The following ADAM19 variants were observed in gnomAD, a reference collection of about 807,000 sequenced individuals.
The protein encoded by ADAM19 is disintegrin and metalloproteinase domain-containing protein 19.
Under a neutral mutation model 114.7 loss-of-function variants are expected in ADAM19, and 65 were observed. The ratio of observed to expected loss-of-function variants is 0.57; its 90% confidence interval spans 0.46 to 0.70. ADAM19 has a LOEUF of 0.70. ADAM19 is among the 30% of genes least tolerant of loss of function. The probability of loss-of-function intolerance (pLI) is 0.00; values close to 1 mark genes in which losing one functional copy is unlikely to be tolerated. For synonymous variants in ADAM19, 466 were observed against 460.5 expected (o/e 1.01, Z -0.15); for missense variants, 1,063 against 1,204.7 (o/e 0.88, Z 1.74).
chr5:157,488,816 G>C (rs992375784), intron 20 of ADAM19, among the ~76,000 whole-genome samples: 1 of 152,170 alleles, frequency 6.6e-6, no homozygotes, highest in South Asian at 2.1e-4. Flanking sequence ...TGGATCACGA[G>C]GTCAGGAGAT....
intron 15 of ADAM19, among the ~76,000 whole-genome samples, chr5:157,494,176 ATG>A: frequency 6.6e-6 from 1 of 151,870 alleles, no homozygotes; most frequent in East Asian, 1.9e-4. Context: ...AGATGGATGG[ATG>A]GATGGATGGA....
chr5:157,533,077 C>T (rs994130253), intron 4 of ADAM19, among the ~76,000 whole-genome samples: 1 of 152,334 alleles, frequency 6.6e-6, no homozygotes, highest in East Asian at 1.9e-4. Context: ...ATCCAAAGCC[C>T]TAGCTGTGCC....
At position 157,561,775 on chromosome 5, in the gene ADAM19, A is replaced by C. The variant is rs116033228; in HGVS notation, c.251+2598T>G. ...CTCCCTATGCTCCTCTGTCTCCTGC[A>C]CAGCACCCATCACCTGACGGACGGT... On this transcript the variant is annotated intron_variant, in intron 3 of 22. Transcript: ENST00000257527. Among the ~76,000 whole-genome samples the C allele has an allele frequency of 2.5e-3, 374 of 152,230 alleles. 3 individuals carry two copies. Among genetic ancestry groups the C allele is most frequent in the African/African-American group, 8.6e-3 (358 of 41,536 alleles).
Position 157,553,864 on chromosome 5 carries a change from C to T in ADAM19, c.251+10509G>A, listed in dbSNP as rs149355654. On this transcript the variant is annotated intron_variant, in intron 3 of 22. Coordinates refer to ENST00000257527, the MANE Select transcript of ADAM19 (RefSeq NM_033274.5). Reference sequence around the variant, plus strand: ...ACACTGAAGACAAAAAATAAAAAAGCCAATTATAAAATAGTATATAAAGTA... The same window carrying T: ...ACACTGAAGACAAAAAATAAAAAAGTCAATTATAAAATAGTATATAAAGTA... Among the ~76,000 whole-genome samples, 21 of 152,080 alleles carry T rather than the reference C, an allele frequency of 1.4e-4. No individual in the cohort carries two copies. The East Asian group carries it at 4.0e-3, about 29-fold the overall frequency.
At chr5:157,483,255 C>T (rs1356194869) in intron 21 of ADAM19, among the ~76,000 whole-genome samples, 1 of 152,152 alleles carries the variant, frequency 6.6e-6, no homozygotes, top group Non-Finnish European at 1.5e-5. Flanking sequence ...AATTCTACTT[C>T]TTCTGACCTA....
rs1755176728 is a variant in ADAM19, at chr5:157,491,868, A to G, written c.1953T>C (p.Thr651=). 1 of 1,614,140 alleles carries G rather than the reference A, an allele frequency of 6.2e-7. No individual in the cohort carries two copies. The highest frequency in any genetic ancestry group is 1.3e-5 in the African/African-American group (1 of 74,948). ...GQCRNTSFFE[T]EGCGKKCNGH... ...CATTGCACTTCTTCCCACAGCCTTC[A>G]GTTTCAAAGAAGGAGGTGTTCCTGC... The change falls in exon 17 of 23, where the codon ACT becomes ACC. Residue 651 remains threonine, a synonymous_variant. Transcript: ENST00000257527.
At chr5:157,557,985 G>T (rs1001351579) in intron 3 of ADAM19, among the ~76,000 whole-genome samples, 1 of 152,186 alleles carries the variant, frequency 6.6e-6, no homozygotes, top group Non-Finnish European at 1.5e-5. Flanking sequence ...ACATCAGACT[G>T]GCTGGCAATC....
Position 157,477,718 on chromosome 5 carries a change from G to C in ADAM19, c.*3231C>G. 12 of 1,289,710 alleles carry C rather than the reference G, an allele frequency of 9.3e-6. No homozygotes were observed. Among genetic ancestry groups the C allele is most frequent in the Non-Finnish European group, 1.2e-5 (12 of 988,804 alleles). 79.9% of individuals were successfully genotyped at this position (1,289,710 alleles called of 1,614,324 possible). On this transcript the variant is annotated 3_prime_UTR_variant, in exon 23 of 23. Coordinates refer to ENST00000257527, the MANE Select transcript of ADAM19 (RefSeq NM_033274.5). ...GGAACTGGTCCCCAGTTTTCAAATT[G>C]CAAGTCTTCCATACCCTCTGTCAAA...
At position 157,515,499 on chromosome 5, in the gene ADAM19, C is replaced by A. The variant is rs115231378; in HGVS notation, c.667-1994G>T. On this transcript the variant is annotated intron_variant, in intron 7 of 22. Transcript: ENST00000257527. Reference sequence around the variant, plus strand: ...CATAGTCTCTGCTACAACTCTTCAACTGTGCAGTGGTGGCTCAGAATAATA... The same window carrying A: ...CATAGTCTCTGCTACAACTCTTCAAATGTGCAGTGGTGGCTCAGAATAATA... Among the ~76,000 whole-genome samples, 849 of 152,324 alleles carry A rather than the reference C, an allele frequency of 5.6e-3. 4 individuals carry two copies. Among genetic ancestry groups the A allele is most frequent in the Non-Finnish European group, 9.3e-3 (631 of 68,032 alleles).
chr5:157,563,012 C>A (rs1757552121), intron 3 of ADAM19, among the ~76,000 whole-genome samples: 1 of 152,102 alleles, frequency 6.6e-6, no homozygotes, highest in Non-Finnish European at 1.5e-5. Context: ...TTAATGGGAA[C>A]AAAGCTGCCG....
chr5:157,481,204 A>G, intron 22 of ADAM19: 1 of 652,988 alleles, frequency 1.5e-6, no homozygotes, highest in Admixed American at 2.9e-5. Context: ...CCCTATCTCA[A>G]GCTGACCAGC....
At chr5:157,547,994 C>G (rs1333415428) in intron 3 of ADAM19, among the ~76,000 whole-genome samples, 2 of 152,210 alleles carry the variant, frequency 1.3e-5, no homozygotes, top group Admixed American at 6.5e-5. Flanking sequence ...CTTCTCTCAT[C>G]ATTTCCTTCC....
Position 157,481,805 on chromosome 5 carries a change from C to T in ADAM19, c.2689G>A (p.Ala897Thr). The T allele has an allele frequency of 7.0e-6, 11 of 1,574,786 alleles. No homozygotes were observed. The highest frequency in any genetic ancestry group is 9.5e-6 in the Non-Finnish European group (11 of 1,159,052). ...AGPQQSRPLA[A>T]LAPKFPEYRS... ...CGTGGACTCACCTTTGGGGCAAGTG[C>T]TGCCAGAGGCCGGGACTGCTGAGGG... The change falls in exon 22 of 23, where the codon GCA becomes ACA. Residue 897 changes from alanine to threonine, a missense_variant. By Grantham distance (58) the Ala-to-Thr change is moderately conservative. Coordinates refer to ENST00000257527, the MANE Select transcript of ADAM19 (RefSeq NM_033274.5).
In ADAM19 at chr5:157,491,603, G is replaced by C; in HGVS notation, c.2095+12C>G. The C allele has an allele frequency of 6.8e-7, 1 of 1,478,734 alleles. No individual in the cohort carries two copies. Among genetic ancestry groups the C allele is most frequent in the South Asian group, 1.4e-5 (1 of 70,834 alleles). The allele number at this position is 1,478,734 out of a possible 1,614,324, so 91.6% of individuals were successfully genotyped here. On this transcript the variant is annotated intron_variant, in intron 18 of 22. Coordinates refer to ENST00000257527, the MANE Select transcript of ADAM19 (RefSeq NM_033274.5). Reference sequence around the variant, plus strand: ...CAAAAGCGGGCAGTGGCCCCAGCAGGCTGGCACTCACTCTCAGGGGGCATA... The same window carrying C: ...CAAAAGCGGGCAGTGGCCCCAGCAGCCTGGCACTCACTCTCAGGGGGCATA...
chr5:157,560,972 G>C (rs1450314160), intron 3 of ADAM19, among the ~76,000 whole-genome samples: 2 of 152,194 alleles, frequency 1.3e-5, no homozygotes, highest in East Asian at 3.8e-4. Context: ...CTGGCTCTAT[G>C]ACATGGGACT....
In ADAM19 at chr5:157,490,363, T is replaced by G. The variant is rs760945734; in HGVS notation, c.2187A>C (p.Lys729Asn). 3 of 1,614,102 alleles carry G rather than the reference T, an allele frequency of 1.9e-6. No individual in the cohort carries two copies. In the South Asian group the frequency reaches 3.3e-5, roughly 18 times the overall value. Residue 729 changes from lysine to asparagine, a missense_variant, in exon 19 of 23, where the codon AAA (lysine) becomes AAC (asparagine). Physicochemically the swap from Lys to Asn is moderately conservative, Grantham distance 94. This residue lies in a region of ADAM19 where 424 missense variants were observed against 445.5 expected (regional missense o/e 0.95). Coordinates refer to ENST00000257527, the MANE Select transcript of ADAM19 (RefSeq NM_033274.5). ...LMYYCCRQNN[K>N]LGQLKPSALP... ...GAGCTGAGGGCTTGAGTTGGCCTAG[T>G]TTGTTGTTCTGTCTGCAGCAGTAGT... is the stretch of plus-strand genomic sequence containing the variant.
chr5:157,507,970 A>AG (rs1309965850), intron 9 of ADAM19, among the ~76,000 whole-genome samples: 1 of 152,252 alleles, frequency 6.6e-6, no homozygotes, highest in East Asian at 1.9e-4. Flanking sequence ...TTTGACAGCA[A>AG]GACTATCTTA....
At chr5:157,502,359 A>G (rs1755592042) in intron 12 of ADAM19, among the ~76,000 whole-genome samples, 1 of 152,146 alleles carries the variant, frequency 6.6e-6, no homozygotes, top group Non-Finnish European at 1.5e-5. Context: ...CACTTCCTAC[A>G]TCCCCTTTCC....
At chr5:157,552,677 CAAAAAAAA>C (rs778402112) in intron 3 of ADAM19, among the ~76,000 whole-genome samples, 24 of 59,378 alleles carry the variant, frequency 4.0e-4, no homozygotes, top group South Asian at 1.2e-3. Flanking sequence ...GGACTCTACT[CAAAAAAAA>C]AAAAAAAAAA....
Sources: gnomAD v4.1 joint callset for allele counts (sites outside exome capture counted in the v4.1 genomes callset) on GRCh38, gnomAD v4.1.1 for gene constraint, gnomAD v4.1.1 regional missense constraint, MANE v1.5 for transcripts, NCBI Gene and HGNC (gene_info 2026-07-23, HGNC 2026-07-21) for gene names.